SFXN5: variants seen among roughly 807,000 people sequenced by gnomAD.
SFXN5 encodes the protein sideroflexin-5.
A neutral mutation model predicts 50.2 loss-of-function variants in SFXN5; 43 were observed. That is an observed-to-expected ratio of 0.86 (90% CI 0.67 to 1.11). The LOEUF (loss-of-function observed/expected upper bound fraction) is 1.11, where lower values mean the gene tolerates loss of function less well. Among genes scored for constraint, SFXN5 ranks in the 50% least tolerant of loss-of-function variants. The pLI is 0.00. For missense variants in SFXN5, 463 were observed against 454.1 expected (o/e 1.02, Z -0.18); for synonymous variants, 203 against 185.8 (o/e 1.09, Z -0.75).
chr2:73,029,804 G>T (rs539725655), intron 3 of SFXN5, among the ~76,000 whole-genome samples: 2 of 152,350 alleles, frequency 1.3e-5, no homozygotes, highest in South Asian at 2.1e-4. Context: ...GGGTGTGGTG[G>T]CTCAGACCTG....
intron 10 of SFXN5, among the ~76,000 whole-genome samples, chr2:72,982,643 C>T (rs1367969225): frequency 1.3e-5 from 2 of 152,206 alleles, no homozygotes; most frequent in African/African-American, 4.8e-5. Flanking sequence ...AGATAGACAT[C>T]GGCACACACA....
rs564296434 is a variant in SFXN5, at chr2:73,039,198, G to C, written c.249+1656C>G. On this transcript the variant is annotated intron_variant, in intron 3 of 13. Transcript: ENST00000272433. ...CCGCCTTGGCCTCCCAAAGTGCTGG[G>C]ATTACAGGCATGAGCCACCACGCCT... Among the ~76,000 whole-genome samples, 7 of 152,320 alleles carry C rather than the reference G, an allele frequency of 4.6e-5. 1 individual carries two copies. In the South Asian group the frequency reaches 1.4e-3, roughly 32 times the overall value.
chr2:72,976,865 G>T (rs1670674773), intron 10 of SFXN5, among the ~76,000 whole-genome samples: 1 of 152,192 alleles, frequency 6.6e-6, no homozygotes, highest in African/African-American at 2.4e-5. Context: ...TGGGGACCTG[G>T]AAAGTGATAT....
chr2:72,952,962 C>G (rs1167532642), intron 13 of SFXN5, among the ~76,000 whole-genome samples: 1 of 152,178 alleles, frequency 6.6e-6, no homozygotes, highest in African/African-American at 2.4e-5. Context: ...CAAGCCTTCT[C>G]CCTCCCTATC....
intron 2 of SFXN5, among the ~76,000 whole-genome samples, chr2:73,055,157 T>A (rs1023369094): frequency 3.9e-5 from 6 of 152,278 alleles, no homozygotes; most frequent in African/African-American, 1.4e-4. Context: ...TAAGCCAATG[T>A]CAGCACAGAG....
rs999182602 is a variant in SFXN5, at chr2:72,978,420, T to G, written c.626-6735A>C. On this transcript the variant is annotated intron_variant, in intron 10 of 13. Transcript: ENST00000272433. ...GCCTCAGCCTCCCAAGTAGCTGCAA[T>G]TACAGGCGCCCACCACCATGCCCAG... is the stretch of plus-strand genomic sequence containing the variant. 5.1e-4 allele frequency among the ~76,000 whole-genome samples: 78 copies of G among 151,630 alleles called. 4 individuals carry two copies. Among genetic ancestry groups the G allele is most frequent in the Non-Finnish European group, 1.5e-5 (1 of 67,916 alleles).
At chr2:73,039,940 A>G (rs1679408084) in intron 3 of SFXN5, among the ~76,000 whole-genome samples, 1 of 151,782 alleles carries the variant, frequency 6.6e-6, no homozygotes, top group Admixed American at 6.6e-5. Flanking sequence ...CCTCATGAGT[A>G]GCTGGGATTA....
At chr2:73,056,686 A>G (rs907150794) in intron 2 of SFXN5, among the ~76,000 whole-genome samples, 1 of 135,502 alleles carries the variant, frequency 7.4e-6, no homozygotes, top group Non-Finnish European at 1.6e-5. Flanking sequence ...ACTCCGTCTC[A>G]AAAAAAAAAA....
chr2:73,030,115 C>G (rs62147731), intron 3 of SFXN5, among the ~76,000 whole-genome samples: 22,705 of 151,558 alleles, frequency 0.15, 1,981 homozygotes, highest in East Asian at 0.36. Context: ...ATCAAACAAA[C>G]GAACAAAAAA....
intron 2 of SFXN5, among the ~76,000 whole-genome samples, chr2:73,051,257 CTTTTTT>C (rs35074891): frequency 1.7e-5 from 2 of 114,790 alleles, no homozygotes; most frequent in East Asian, 2.7e-4. Flanking sequence ...TTTTCCAGCA[CTTTTTT>C]TTTTTTTTTT....
chr2:73,071,532 G>A (rs1055020038), intron 1 of SFXN5, 72 bp downstream of exon 1: 1 of 1,433,392 alleles, frequency 7.0e-7, no homozygotes, highest in East Asian at 2.4e-5. Context: ...GGGCGGAAGG[G>A]GACTTTGGAG....
At position 72,954,905 on chromosome 2, in the gene SFXN5, TG is replaced by T. The variant is rs765745816; in HGVS notation, c.945+6225del. On this transcript the variant is annotated intron_variant, in intron 13 of 13. Coordinates refer to ENST00000272433, the MANE Select transcript of SFXN5 (RefSeq NM_144579.3). ...TTCCCTAATCCTACTGGGAGAAACTTGGTTCTTACAGGAAGAAACTTAGTTC... is the reference window on the plus strand; with the variant it reads ...TTCCCTAATCCTACTGGGAGAAACTTGTTCTTACAGGAAGAAACTTAGTTC... Among the ~76,000 whole-genome samples, 15 of 152,344 alleles carry T rather than the reference TG, an allele frequency of 9.8e-5. No individual in the cohort carries two copies. In the East Asian group the frequency reaches 2.1e-3, roughly 22 times the overall value.
chr2:72,957,689 A>C (rs1366394002), intron 13 of SFXN5, among the ~76,000 whole-genome samples: 4 of 152,240 alleles, frequency 2.6e-5, no homozygotes, highest in South Asian at 2.1e-4. Flanking sequence ...ATGGCAGAAG[A>C]AGCACCTTGT....
chr2:73,049,110 GATAATTT>G (rs1386861271), intron 2 of SFXN5: 2 of 152,182 alleles, frequency 1.3e-5, no homozygotes, highest in African/African-American at 4.8e-5. Flanking sequence ...CCACAGACTA[GATAATTT>G]ATAAAGAACA....
At chr2:73,038,363 G>A (rs1468694881) in intron 3 of SFXN5, among the ~76,000 whole-genome samples, 2 of 152,224 alleles carry the variant, frequency 1.3e-5, no homozygotes, top group Non-Finnish European at 2.9e-5. Context: ...GAGCTTGCAG[G>A]ACTGGCAGTT....
At chr2:72,984,869 G>A (rs1218666151) in intron 10 of SFXN5, among the ~76,000 whole-genome samples, 1 of 152,146 alleles carries the variant, frequency 6.6e-6, no homozygotes. Flanking sequence ...GCCACTCTTA[G>A]GCAGTGTGTA....
In SFXN5 at chr2:72,953,654, C is replaced by T. The variant is rs890755719; in HGVS notation, c.945+7477G>A. 1.3e-5 allele frequency among the ~76,000 whole-genome samples: 2 copies of T among 152,164 alleles called. No homozygotes were observed. The highest frequency in any genetic ancestry group is 2.9e-5 in the Non-Finnish European group (2 of 68,030). On this transcript the variant is annotated intron_variant, in intron 13 of 13. Coordinates refer to ENST00000272433, the MANE Select transcript of SFXN5 (RefSeq NM_144579.3). The surrounding 1 kb of genome is among the most constrained non-coding windows in gnomAD (Gnocchi z 4.1). ...GGAAGATGGAACACAGAAAACACAC[C>T]ACCAGAGCCTACACAGGTGAGGTGA...
At chr2:72,977,973 A>T (rs1440452452) in intron 10 of SFXN5, among the ~76,000 whole-genome samples, 2 of 142,040 alleles carry the variant, frequency 1.4e-5, no homozygotes, top group Admixed American at 6.9e-5. Flanking sequence ...ACTCTGCCTC[A>T]GAAAAAAAAA....
At chr2:73,017,112 T>C (rs1052399551) in intron 6 of SFXN5, among the ~76,000 whole-genome samples, 4 of 152,290 alleles carry the variant, frequency 2.6e-5, no homozygotes, top group East Asian at 1.9e-4. Flanking sequence ...TAATTGTAAA[T>C]TGAACCATCG....
Sources: gnomAD v4.1 joint callset for allele counts (sites outside exome capture counted in the v4.1 genomes callset) on GRCh38, gnomAD v4.1.1 for gene constraint, Gnocchi (gnomAD v3.1) non-coding constraint, MANE v1.5 for transcripts, NCBI Gene and HGNC (gene_info 2026-07-23, HGNC 2026-07-21) for gene names.